Variants in BAZ2B observed in about 807,000 individuals in gnomAD.
BAZ2B encodes bromodomain adjacent to zinc finger domain 2B, also known as bromodomain adjacent to zinc finger domain protein 2B.
BAZ2B carries 91 observed loss-of-function variants against 246.0 expected under a neutral mutation model. The ratio of observed to expected loss-of-function variants is 0.37; its 90% CI spans 0.31 to 0.44. The LOEUF (loss-of-function observed/expected upper bound fraction) is 0.44. Among genes scored for constraint, BAZ2B ranks in the 20% least tolerant of loss-of-function variants. BAZ2B has a pLI of 1.00. For missense variants in BAZ2B, 2,332 were observed against 2,533.7 expected (o/e 0.92, Z 1.71); for synonymous variants, 855 against 860.0 (o/e 0.99, Z 0.10).
the BAZ2B span, among the ~76,000 whole-genome samples, chr2:159,667,407 C>A: frequency 6.6e-6 from 1 of 151,614 alleles, no homozygotes; most frequent in Non-Finnish European, 1.5e-5. Flanking sequence ...ACCAGCCTGG[C>A]CAACATGGTG....
intron 2 of BAZ2B, among the ~76,000 whole-genome samples, chr2:159,509,212 AGATAT>A (rs1371603409): frequency 7.2e-5 from 11 of 152,186 alleles, no homozygotes; most frequent in African/African-American, 2.7e-4. Flanking sequence ...CTTTCCAGTC[AGATAT>A]AATTCAGTGA....
At chr2:159,447,212 C>T (rs1176604609) in intron 5 of BAZ2B, among the ~76,000 whole-genome samples, 1 of 152,124 alleles carries the variant, frequency 6.6e-6, no homozygotes, top group African/African-American at 2.4e-5. Context: ...GAGGCAACTG[C>T]TTAATGGGTA....
chr2:159,555,919 C>G (rs2089047724), intron 1 of BAZ2B, 54 bp from the exon 2 acceptor site: 1 of 152,160 alleles, frequency 6.6e-6, no homozygotes, highest in Admixed American at 6.5e-5. Flanking sequence ...TAAGAAATTT[C>G]AGAAACTAAA....
chr2:159,456,538 T>C (rs2075794076), intron 3 of BAZ2B, among the ~76,000 whole-genome samples: 1 of 152,084 alleles, frequency 6.6e-6, no homozygotes, highest in Admixed American at 6.6e-5. Flanking sequence ...TGGAAGCAAC[T>C]GAGTAGAAAA....
intron 35 of BAZ2B, among the ~76,000 whole-genome samples, chr2:159,325,428 G>C (rs1219020069): frequency 5.3e-5 from 8 of 151,266 alleles, no homozygotes; most frequent in African/African-American, 1.9e-4. Context: ...GCTGTGCCAG[G>C]CCCAATTATA....
At chr2:159,498,963 A>G (rs2081428771) in intron 2 of BAZ2B, among the ~76,000 whole-genome samples, 1 of 152,124 alleles carries the variant, frequency 6.6e-6, no homozygotes, top group African/African-American at 2.4e-5. Flanking sequence ...CTGGCCAAAT[A>G]CATAACAAAA....
the BAZ2B span, among the ~76,000 whole-genome samples, chr2:159,679,622 A>C: frequency 6.6e-6 from 1 of 152,220 alleles, no homozygotes; most frequent in Non-Finnish European, 1.5e-5. Flanking sequence ...TGTAACTTCC[A>C]AAAAAGTAAT....
chr2:159,666,747 C>T, the BAZ2B span, among the ~76,000 whole-genome samples: 1 of 152,042 alleles, frequency 6.6e-6, no homozygotes, highest in South Asian at 2.1e-4. Flanking sequence ...CCCAGCTACT[C>T]AGGAGGCAGA....
At chr2:159,492,184 C>A (rs2151029329) in intron 2 of BAZ2B, among the ~76,000 whole-genome samples, 1 of 152,312 alleles carries the variant, frequency 6.6e-6, no homozygotes, top group Non-Finnish European at 1.5e-5. Context: ...ATTCCAACTG[C>A]ATCCCTCTCC....
intron 17 of BAZ2B, among the ~76,000 whole-genome samples, chr2:159,399,465 T>G (rs2064620543): frequency 6.6e-6 from 1 of 152,074 alleles, no homozygotes; most frequent in African/African-American, 2.4e-5. Flanking sequence ...ATAGTGTGGT[T>G]AAGTTCAAGT....
chr2:159,700,089 TATCAC>T, the BAZ2B span, among the ~76,000 whole-genome samples: 1 of 152,224 alleles, frequency 6.6e-6, no homozygotes, highest in East Asian at 1.9e-4. Flanking sequence ...AGCTCTTAAC[TATCAC>T]ATTGGTAGTA....
At chr2:159,558,915 T>G (rs908265107) in intron 1 of BAZ2B, among the ~76,000 whole-genome samples, 12 of 152,236 alleles carry the variant, frequency 7.9e-5, no homozygotes, top group African/African-American at 2.6e-4. Context: ...ACTAACCTTC[T>G]CTACCCCATC....
intron 7 of BAZ2B, 123 bp from the exon 8 acceptor site, chr2:159,438,818 A>G: frequency 7.7e-7 from 1 of 1,293,028 alleles, no homozygotes; most frequent in South Asian, 1.5e-5. Context: ...GATAATATCT[A>G]AAAATCTAAA....
rs190421104 is a variant in BAZ2B, at chr2:159,563,004, A to C, written c.-45-7139T>G. 7.4e-4 allele frequency among the ~76,000 whole-genome samples: 113 copies of C among 152,298 alleles called. 1 individual carries two copies. The highest frequency in any genetic ancestry group is 3.4e-3 in the Middle Eastern group (1 of 294). Reference sequence around the variant, plus strand: ...ATTCCAACCCACACCTTCAAAAATCAATTTCAGACTATGGCTGTGAAGACT... The same window carrying C: ...ATTCCAACCCACACCTTCAAAAATCCATTTCAGACTATGGCTGTGAAGACT... On this transcript the variant is annotated intron_variant, in intron 1 of 36. Transcript: ENST00000392783.
chr2:159,550,677 T>C (rs902509730), intron 2 of BAZ2B, among the ~76,000 whole-genome samples: 2 of 152,190 alleles, frequency 1.3e-5, no homozygotes, highest in Non-Finnish European at 2.9e-5. Context: ...CCTGACATTT[T>C]AAATTTACTA....
the BAZ2B span, among the ~76,000 whole-genome samples, chr2:159,690,508 T>C: frequency 1.3e-5 from 2 of 152,180 alleles, no homozygotes; most frequent in African/African-American, 4.8e-5. Context: ...CTGGTAGTTA[T>C]TGATACATAT....
intron 35 of BAZ2B, among the ~76,000 whole-genome samples, chr2:159,325,418 G>T (rs951015347): frequency 6.6e-6 from 1 of 151,142 alleles, no homozygotes; most frequent in Non-Finnish European, 1.5e-5. Flanking sequence ...GGTGTGAGCC[G>T]CTGTGCCAGG....
chr2:159,513,040 C>T (rs1246662481), intron 2 of BAZ2B, among the ~76,000 whole-genome samples: 1 of 152,252 alleles, frequency 6.6e-6, no homozygotes, highest in East Asian at 1.9e-4. Flanking sequence ...AGGCCTATCA[C>T]CTAATCTATC....
At chr2:159,445,886 G>A (rs1050869658) in intron 6 of BAZ2B, among the ~76,000 whole-genome samples, 18 of 152,148 alleles carry the variant, frequency 1.2e-4, no homozygotes, top group Admixed American at 3.9e-4. Context: ...AGGCTGAGGC[G>A]GTGGATCCCT....
Sources: allele counts gnomAD v4.1 joint callset (sites outside exome capture counted in the v4.1 genomes callset), GRCh38; gene constraint gnomAD v4.1.1; transcripts MANE v1.5; gene names NCBI Gene and HGNC (gene_info 2026-07-23, HGNC 2026-07-21).